ARHGEF3: variants seen among roughly 807,000 people sequenced by gnomAD.
ARHGEF3 encodes 59.8 kDA protein.
ARHGEF3 carries 28 observed loss-of-function variants against 63.2 expected under a neutral mutation model. That is an observed-to-expected ratio of 0.44 (90% CI 0.33 to 0.61). The LOEUF (loss-of-function observed/expected upper bound fraction) is 0.61, where lower values mean the gene tolerates loss of function less well. Ranked by LOEUF, ARHGEF3 falls within the 20% of genes least tolerant of loss-of-function variation. ARHGEF3 has a pLI of 0.03. For synonymous variants in ARHGEF3, 266 were observed against 254.2 expected (o/e 1.05, Z -0.44); for missense variants, 533 against 659.3 (o/e 0.81, Z 2.10).
In ARHGEF3 at chr3:56,977,315, G is replaced by GCAGAGCAAGC. The variant is rs1451883435; in HGVS notation, c.63-18436_63-18427dup. On this transcript the variant is annotated intron_variant, in intron 2 of 12. Coordinates refer to the ARHGEF3 transcript ENST00000338458. The stretch of plus-strand genomic sequence containing the variant: ...AAACATGGTCCATCTAAAGCACAGG[G>GCAGAGCAAGC]CAGAGCAAGCCCCATTCTCTTGGGC... 10 of 456,540 alleles carry GCAGAGCAAGC rather than the reference G, an allele frequency of 2.2e-5. No individual in the cohort carries two copies. In the Middle Eastern group the frequency reaches 1.3e-3, roughly 59 times the overall value. 28.3% of individuals were successfully genotyped at this position (456,540 alleles called of 1,614,324 possible). A position where few individuals can be genotyped will look rare whatever the true frequency, so the allele number is the denominator to read the frequency against.
intron 2 of ARHGEF3, among the ~76,000 whole-genome samples, chr3:56,999,557 A>G (rs570080013): frequency 5.3e-5 from 8 of 152,306 alleles, no homozygotes; most frequent in African/African-American, 1.9e-4. Flanking sequence ...TGTAATCCCA[A>G]CAGTTTGGGA....
At chr3:56,977,332 C>T (rs1161065413) in intron 2 of ARHGEF3, 2 of 456,520 alleles carry the variant, frequency 4.4e-6, no homozygotes. Context: ...AAGCCCCATT[C>T]TCTTGGGCCC....
Position 57,048,627 on chromosome 3 carries a change from G to A in ARHGEF3, c.-27-13451C>T, listed in dbSNP as rs150276447. On this transcript the variant is annotated intron_variant, in intron 1 of 12. Coordinates refer to the ARHGEF3 transcript ENST00000338458. The stretch of plus-strand genomic sequence containing the variant: ...CGGGGTAGGAGCAGCTGTGCCCCAC[G>A]CCCCCCTCCTCCTTAAGGCTGGCTG... Among the ~76,000 whole-genome samples, 566 of 152,230 alleles carry A rather than the reference G, an allele frequency of 3.7e-3. 2 individuals are homozygous for A. Among genetic ancestry groups the A allele is most frequent in the Non-Finnish European group, 5.4e-3 (369 of 68,018 alleles).
chr3:56,848,364 T>G (rs1373884567), intron 4 of ARHGEF3, among the ~76,000 whole-genome samples: 1 of 152,214 alleles, frequency 6.6e-6, no homozygotes, highest in Non-Finnish European at 1.5e-5. Flanking sequence ...CTATGCCACA[T>G]GCTAGCTCTG....
At chr3:56,958,789 T>C (rs1399264734) in intron 3 of ARHGEF3, 16 of 1,536,118 alleles carry the variant, frequency 1.0e-5, no homozygotes, top group Non-Finnish European at 1.4e-5. Flanking sequence ...TAATAGGACA[T>C]TTAACAGCAG....
intron 2 of ARHGEF3, among the ~76,000 whole-genome samples, chr3:56,757,475 A>C (rs2035147228): frequency 1.3e-5 from 2 of 152,092 alleles, no homozygotes; most frequent in Admixed American, 1.3e-4. Context: ...ACTCCGTCTC[A>C]GAAAAAAAAA....
chr3:57,069,528 G>A (rs1705764985), intron 1 of ARHGEF3, among the ~76,000 whole-genome samples: 1 of 152,092 alleles, frequency 6.6e-6, no homozygotes, highest in Admixed American at 6.6e-5. Flanking sequence ...GGTTCCAAGT[G>A]ATACAAATAT....
intron 2 of ARHGEF3, among the ~76,000 whole-genome samples, chr3:57,025,947 A>G (rs1304881610): frequency 6.6e-6 from 1 of 152,172 alleles, no homozygotes; most frequent in East Asian, 1.9e-4. Flanking sequence ...TCCTGGGGAA[A>G]GGCTTAACTC....
In ARHGEF3 at chr3:56,730,920, C is replaced by T. The variant is rs573028828; in HGVS notation, c.1229-1298G>A. Among the ~76,000 whole-genome samples the T allele has an allele frequency of 2.0e-5, 3 of 152,314 alleles. No individual in the cohort carries two copies. The East Asian group carries it at 5.8e-4, about 29-fold the overall frequency. On this transcript the variant is annotated intron_variant, in intron 9 of 9. Coordinates refer to ENST00000296315, the MANE Select transcript of ARHGEF3 (RefSeq NM_019555.3). Reference sequence around the variant, plus strand: ...CTATTCTCCGTCCTTCAAATTTAGGCTCCACCCTTTGATCTTGGGCAAGTA... The same window carrying T: ...CTATTCTCCGTCCTTCAAATTTAGGTTCCACCCTTTGATCTTGGGCAAGTA...
intron 3 of ARHGEF3, among the ~76,000 whole-genome samples, chr3:56,936,919 A>T (rs1698934689): frequency 6.6e-6 from 1 of 152,154 alleles, no homozygotes; most frequent in African/African-American, 2.4e-5. Context: ...AGGTTTCGCC[A>T]TGTTGCCCAG....
chr3:56,801,148 C>A (rs541228923), intron 1 of ARHGEF3, among the ~76,000 whole-genome samples: 1 of 152,228 alleles, frequency 6.6e-6, no homozygotes, highest in African/African-American at 2.4e-5. Flanking sequence ...CCCAGCCCCC[C>A]GGCTGAATGA....
chr3:56,947,758 C>T (rs1424643009), intron 3 of ARHGEF3, among the ~76,000 whole-genome samples: 1 of 152,150 alleles, frequency 6.6e-6, no homozygotes, highest in Non-Finnish European at 1.5e-5. Context: ...GAATTGAACT[C>T]AGCTCTGCAC....
In ARHGEF3 at chr3:56,747,052, C is replaced by T. The variant is rs904849699; in HGVS notation, c.613-1590G>A. On this transcript the variant is annotated intron_variant, in intron 6 of 9. Coordinates refer to ENST00000296315, the MANE Select transcript of ARHGEF3 (RefSeq NM_019555.3). ...ATGATAATTGGTACTTATACATGCG[C>T]GCACACACACACAGAGAGAGAGAGA... Among the ~76,000 whole-genome samples the T allele has an allele frequency of 4.5e-5, 6 of 132,808 alleles. 1 individual carries two copies. The highest frequency in any genetic ancestry group is 2.4e-4 in the East Asian group (1 of 4,166). The allele number at this position is 132,808 out of a possible 152,430, so 87.1% of individuals were successfully genotyped here. A position where few individuals can be genotyped will look rare whatever the true frequency, so the allele number is the denominator to read the frequency against.
At chr3:57,002,479 T>TTATATATG (rs1702251138) in intron 2 of ARHGEF3, among the ~76,000 whole-genome samples, 1 of 39,472 alleles carries the variant, frequency 2.5e-5, no homozygotes, top group Non-Finnish European at 4.1e-5. Context: ...TATATATATG[T>TTATATATG]TATATATATA....
At chr3:56,858,735 A>G (rs1578693694) in intron 4 of ARHGEF3, among the ~76,000 whole-genome samples, 2 of 152,356 alleles carry the variant, frequency 1.3e-5, no homozygotes, top group South Asian at 4.1e-4. Flanking sequence ...AAAGGAAAGA[A>G]TAAACCTTGA....
At chr3:56,742,391 T>C (rs80005404) in intron 7 of ARHGEF3, among the ~76,000 whole-genome samples, 1,980 of 152,336 alleles carry the variant, frequency 0.013, 40 homozygotes, top group African/African-American at 0.045. Context: ...CTAATAAAGA[T>C]GTGGTAATTT....
chr3:56,921,464 C>T (rs1254559740), intron 3 of ARHGEF3, among the ~76,000 whole-genome samples: 1 of 133,250 alleles, frequency 7.5e-6, no homozygotes, highest in Non-Finnish European at 1.7e-5. Flanking sequence ...ATCAGGGAGG[C>T]ATAAAGCACA....
chr3:56,955,242 C>G (rs2106718702), intron 3 of ARHGEF3, among the ~76,000 whole-genome samples: 1 of 150,086 alleles, frequency 6.7e-6, no homozygotes, highest in East Asian at 2.0e-4. Context: ...GTTGCCCAAG[C>G]TAGAGTGCAG....
intron 2 of ARHGEF3, among the ~76,000 whole-genome samples, chr3:56,967,200 T>C (rs1309914309): frequency 7.0e-6 from 1 of 142,126 alleles, no homozygotes; most frequent in Non-Finnish European, 1.5e-5. Flanking sequence ...AATTGAAATA[T>C]CATGTGAACC....
Sources: allele counts gnomAD v4.1 joint callset (sites outside exome capture counted in the v4.1 genomes callset), GRCh38; gene constraint gnomAD v4.1.1; transcripts MANE v1.5; gene names NCBI Gene and HGNC (gene_info 2026-07-23, HGNC 2026-07-21).